The following TTC39C variants were observed in gnomAD, a reference collection of about 807,000 sequenced individuals.
The protein encoded by TTC39C is tetratricopeptide repeat domain 39C, also known as tetratricopeptide repeat protein 39C.
In TTC39C, 33 loss-of-function variants were observed where a neutral mutation model predicts 76.3. The observed-to-expected ratio is 0.43, with a 90% CI of 0.33 to 0.58. The LOEUF (loss-of-function observed/expected upper bound fraction) is 0.58. Ranked by LOEUF, TTC39C falls within the 20% of genes least tolerant of loss-of-function variation. The pLI, the probability that TTC39C is intolerant of heterozygous loss-of-function variation, is 0.04. For missense variants in TTC39C, 595 were observed against 701.4 expected, an observed-to-expected ratio of 0.85 and a Z score of 1.71; for synonymous variants, 254 against 260.6, an observed-to-expected ratio of 0.97 and a Z score of 0.24.
chr18:24,099,740 CT>C (rs1192143609), intron 6 of TTC39C, among the ~76,000 whole-genome samples: 3 of 151,962 alleles, frequency 2.0e-5, no homozygotes, highest in African/African-American at 7.2e-5. Context: ...GGAAGGAGTT[CT>C]TATGTAACTT....
chr18:24,047,174 A>G lies in TTC39C; in HGVS notation c.168-16966A>G, dbSNP rs1010814071. 4.4e-4 allele frequency among the ~76,000 whole-genome samples: 67 copies of G among 151,664 alleles called. 1 individual carries two copies. Among genetic ancestry groups the G allele is most frequent in the Non-Finnish European group, 4.7e-4 (32 of 68,004 alleles). ...AGTGGCGCGATCTCCGCTTACTGCA[A>G]CCTCTGCCTCATGGGGTCAAGCGAT... is the stretch of plus-strand genomic sequence containing the variant. On this transcript the variant is annotated intron_variant, in intron 1 of 13. Transcript: ENST00000317571.
chr18:24,116,412 G>A (rs923408887), intron 7 of TTC39C, among the ~76,000 whole-genome samples: 1 of 152,140 alleles, frequency 6.6e-6, no homozygotes, highest in African/African-American at 2.4e-5. Context: ...GCGTGGTAGT[G>A]GGCGCCTATA....
At chr18:24,085,827 T>C (rs2084431597) in intron 6 of TTC39C, among the ~76,000 whole-genome samples, 1 of 152,084 alleles carries the variant, frequency 6.6e-6, no homozygotes, top group Non-Finnish European at 1.5e-5. Context: ...ATATGATGAG[T>C]GTTTCTGTTT....
At chr18:24,084,299 C>G (rs1281138849) in intron 6 of TTC39C, among the ~76,000 whole-genome samples, 1 of 151,846 alleles carries the variant, frequency 6.6e-6, no homozygotes, top group Non-Finnish European at 1.5e-5. Flanking sequence ...GCCTGGCCAA[C>G]ATGGTGAAAC....
At chr18:24,109,356 T>C (rs2084784835) in intron 6 of TTC39C, among the ~76,000 whole-genome samples, 1 of 150,646 alleles carries the variant, frequency 6.6e-6, no homozygotes, top group African/African-American at 2.5e-5. Flanking sequence ...ATAATTAAAC[T>C]TAAACATTAA....
intron 2 of TTC39C, among the ~76,000 whole-genome samples, chr18:24,065,189 G>A (rs2084151227): frequency 6.6e-6 from 1 of 152,182 alleles, no homozygotes; most frequent in Admixed American, 6.5e-5. Flanking sequence ...CCTGGGCCGA[G>A]GTTTGGCTAG....
At chr18:24,114,465 T>G in intron 6 of TTC39C, 89 bp from the exon 7 acceptor site, 1 of 1,014,540 alleles carries the variant, frequency 9.9e-7, no homozygotes, top group Non-Finnish European at 1.5e-6. Context: ...TTAAAATAAC[T>G]ATGAAGGAAA....
At chr18:24,016,540 G>A (rs900246033) in intron 1 of TTC39C, 1 of 395,364 alleles carries the variant, frequency 2.5e-6, no homozygotes, top group African/African-American at 2.1e-5. Context: ...TTGCTTTGAA[G>A]TCTCCTGTGA....
chr18:24,071,673 G>A lies in TTC39C; in HGVS notation c.460+2402G>A, dbSNP rs9952638. Among the ~76,000 whole-genome samples the A allele has an allele frequency of 4.5e-3, 689 of 152,294 alleles. 3 individuals are homozygous for A. Among genetic ancestry groups the A allele is most frequent in the African/African-American group, 0.015 (644 of 41,560 alleles). On this transcript the variant is annotated intron_variant, in intron 4 of 13. Coordinates refer to ENST00000317571, the MANE Select transcript of TTC39C (RefSeq NM_001135993.2). ...GTTTATCATATGGGTATGCCCTAAT[G>A]TATTTAGTCAATTCCTCATGAACGT...
chr18:24,086,346 C>T (rs1473782314), intron 6 of TTC39C, among the ~76,000 whole-genome samples: 1 of 152,206 alleles, frequency 6.6e-6, no homozygotes, highest in East Asian at 1.9e-4. Context: ...CTGTGCCCGT[C>T]AGTGTTCATT....
intron 1 of TTC39C, among the ~76,000 whole-genome samples, chr18:24,028,333 G>A (rs1002164317): frequency 6.6e-6 from 1 of 152,196 alleles, no homozygotes; most frequent in African/African-American, 2.4e-5. Flanking sequence ...TAGCCCTTGT[G>A]TGACATTTTG....
At chr18:24,113,315 A>C (rs2035271702) in intron 6 of TTC39C, 1 of 484,524 alleles carries the variant, frequency 2.1e-6, no homozygotes, top group Admixed American at 3.5e-5. Context: ...CTGCTGACTC[A>C]TTGGTGCCCT....
intron 6 of TTC39C, among the ~76,000 whole-genome samples, chr18:24,109,974 G>T (rs1363489252): frequency 2.0e-5 from 3 of 152,076 alleles, no homozygotes; most frequent in Non-Finnish European, 4.4e-5. Flanking sequence ...TCACGCCACT[G>T]CACTCAAGCC....
chr18:24,069,208 A>G lies in TTC39C; in HGVS notation c.397A>G (p.Ile133Val). The change falls in exon 4 of 14, where the codon ATA (isoleucine) becomes GTA (valine). Residue 133 changes from isoleucine (I) to valine (V), a missense_variant. By Grantham distance (29) the Ile-to-Val change is conservative (BLOSUM62 3). Coordinates refer to ENST00000317571, the MANE Select transcript of TTC39C (RefSeq NM_001135993.2). Reference sequence around the variant, plus strand: ...TATGGTTGATCGGCTTCAGAGGCAGATAATCATAGCTGACTGCCAGGTTTA... The same window carrying G: ...TATGGTTGATCGGCTTCAGAGGCAGGTAATCATAGCTGACTGCCAGGTTTA... ...PSMVDRLQRQ[I>V]IIADCQVYLA... The G allele has an allele frequency of 6.2e-7, 1 of 1,614,138 alleles. No homozygotes were observed. The highest frequency in any genetic ancestry group is 8.5e-7 in the Non-Finnish European group (1 of 1,179,960).
intron 12 of TTC39C, among the ~76,000 whole-genome samples, chr18:24,131,087 G>A (rs1219492483): frequency 1.5e-5 from 2 of 137,178 alleles, no homozygotes; most frequent in African/African-American, 5.4e-5. Context: ...GTGGCAGCAT[G>A]TGCCTGTAGT....
In TTC39C at chr18:24,066,038, A is replaced by G. The variant is rs756243061; in HGVS notation, c.243A>G (p.Glu81=). 6.3e-7 allele frequency: 1 copy of G among 1,599,098 alleles called. No individual in the cohort carries two copies. Among genetic ancestry groups the G allele is most frequent in the Non-Finnish European group, 8.5e-7 (1 of 1,175,496 alleles). The stretch of plus-strand genomic sequence containing the variant: ...ATGCCATGATGACATTTGAGGAAGA[A>G]AAAATGCAGTTGGCATGTGATGACT... ...FLNAMMTFEE[E]KMQLACDDLK... The change falls in exon 3 of 14, where the codon GAA becomes GAG. Residue 81 remains glutamate, a synonymous_variant. Transcript: ENST00000317571.
At chr18:24,082,799 A>T in intron 5 of TTC39C, 114 bp from the exon 6 acceptor site, 1 of 1,100,008 alleles carries the variant, frequency 9.1e-7, no homozygotes, top group Non-Finnish European at 1.3e-6. Context: ...CAGAGACTGC[A>T]TAGTAAGCTT....
At chr18:24,077,802 C>T (rs1487435) in intron 4 of TTC39C, among the ~76,000 whole-genome samples, 79,931 of 152,040 alleles carry the variant, frequency 0.53, 22,487 homozygotes, top group African/African-American at 0.73. Flanking sequence ...TTCTGTTAAA[C>T]CTTTGGCTTT....
At position 24,033,588 on chromosome 18, in the gene TTC39C, G is replaced by A. The variant is rs375057816; in HGVS notation, c.167+18550G>A. Among the ~76,000 whole-genome samples the A allele has an allele frequency of 5.3e-5, 8 of 152,312 alleles. No individual in the cohort carries two copies. The East Asian group carries it at 9.6e-4, about 18-fold the overall frequency. On this transcript the variant is annotated intron_variant, in intron 1 of 13. Transcript: ENST00000317571. ...CTTAGTTTGTAATCATGCACAGACA[G>A]CCCTGGCCTTACTTGGTTCTAATAT...
Sources: allele counts gnomAD v4.1 joint callset (sites outside exome capture counted in the v4.1 genomes callset), GRCh38; gene constraint gnomAD v4.1.1; transcripts MANE v1.5; gene names NCBI Gene and HGNC (gene_info 2026-07-23, HGNC 2026-07-21).